TIE1: variants seen among roughly 807,000 people sequenced by gnomAD.
TIE1 encodes tyrosine-protein kinase receptor Tie-1.
In TIE1, 89 loss-of-function variants were observed where a neutral mutation model predicts 130.5. The observed-to-expected ratio is 0.68, with a 90% CI of 0.57 to 0.81. The LOEUF is 0.81. TIE1 is among the 40% of genes least tolerant of loss of function. The pLI is 0.00. For synonymous variants in TIE1, 568 were observed against 629.4 expected (o/e 0.90, Z 1.46); for missense variants, 1,392 against 1,559.8 (o/e 0.89, Z 1.81).
At chr1:43,303,909 T>C (rs1482082392) in intron 1 of TIE1, among the ~76,000 whole-genome samples, 1 of 152,160 alleles carries the variant, frequency 6.6e-6, no homozygotes, top group East Asian at 1.9e-4. Context: ...CCCTTCTCTG[T>C]GCTCAAAAGC....
At chr1:43,301,229 T>G (rs1424614057) in intron 1 of TIE1, 100 bp downstream of exon 1, 1 of 1,331,194 alleles carries the variant, frequency 7.5e-7, no homozygotes, top group East Asian at 2.4e-5. Flanking sequence ...AGTAGGATGA[T>G]GGTTGCCATG....
At position 43,321,458 on chromosome 1, in the gene TIE1, C is replaced by G. The variant is rs1352005837; in HGVS notation, c.3211C>G (p.Arg1071Gly). Residue 1071 changes from arginine to glycine, a missense_variant, in exon 21 of 23, where the codon CGC becomes GGC. Arg to Gly is a moderately radical substitution (Grantham distance 125). Around this residue, in one of 6 missense-constraint regions of TIE1, gnomAD observed 104 missense variants for 129.3 expected, o/e 0.80. Transcript: ENST00000372476. Reference protein sequence around the residue: ...ELYEKLPQGYRMEQPRNCDDE... With the variant: ...ELYEKLPQGYGMEQPRNCDDE... ...CTATGAAAAGCTGCCCCAGGGCTACCGCATGGAGCAGCCTCGAAACTGTGA... is the reference window on the plus strand; with the variant it reads ...CTATGAAAAGCTGCCCCAGGGCTACGGCATGGAGCAGCCTCGAAACTGTGA... 6.2e-7 allele frequency: 1 copy of G among 1,613,928 alleles called. No homozygotes were observed. Among genetic ancestry groups the G allele is most frequent in the South Asian group, 1.1e-5 (1 of 91,074 alleles).
Position 43,311,840 on chromosome 1 carries a change from A to T in TIE1, c.1492+11A>T. Reference sequence around the variant, plus strand: ...GGTCGACCATTGTGGGTGAGTAGGGAGAGAGCTGGGGCAGGACAGAGGTGT... The same window carrying T: ...GGTCGACCATTGTGGGTGAGTAGGGTGAGAGCTGGGGCAGGACAGAGGTGT... On this transcript the variant is annotated intron_variant, in intron 10 of 22. Transcript: ENST00000372476. The T allele has an allele frequency of 6.2e-7, 1 of 1,611,772 alleles. No individual in the cohort carries two copies.
rs757661283 is a variant in TIE1, at chr1:43,322,618, C to T, written c.3346-33C>T. The T allele has an allele frequency of 1.3e-5, 21 of 1,598,554 alleles. No individual in the cohort carries two copies. Among genetic ancestry groups the T allele is most frequent in the Non-Finnish European group, 1.5e-5 (18 of 1,166,426 alleles). On this transcript the variant is annotated intron_variant, in intron 22 of 22. Coordinates refer to ENST00000372476, the MANE Select transcript of TIE1 (RefSeq NM_005424.5). This position sits in a 1 kb window ranked among gnomAD's most constrained non-coding sequence, Gnocchi z 4.0. ...GCTTGAGGCCAGATGCACCCCCATT[C>T]CTGGCCCCCACTAAAGCTTGCTCTG...
In TIE1 at chr1:43,318,508, CT is replaced by C. The variant is rs796101725; in HGVS notation, c.2922+449del. ...GTGAGTCTGAGGGAAGGCATTTTAT[CT>C]TTTTTTTTTTTTGAGACTGAGTCTC... On this transcript the variant is annotated intron_variant, in intron 17 of 22. Coordinates refer to ENST00000372476, the MANE Select transcript of TIE1 (RefSeq NM_005424.5). This position sits in a 1 kb window ranked among gnomAD's most constrained non-coding sequence, Gnocchi z 4.4. Among the ~76,000 whole-genome samples, 1,300 of 145,136 alleles carry C rather than the reference CT, an allele frequency of 9.0e-3. 7 individuals carry two copies. Among genetic ancestry groups the C allele is most frequent in the African/African-American group, 0.026 (1,054 of 39,920 alleles).
rs980893913 is a variant in TIE1, at chr1:43,304,966, C to T, written c.174C>T (p.Gly58=). ...AGAGRGSDAW[G]PPLLLEKDDR... The stretch of plus-strand genomic sequence containing the variant: ...CGGGGAGGGGCTCGGACGCCTGGGG[C>T]CCGCCCCTGCTGCTGGAGAAGGACG... The change falls in exon 2 of 23, where the codon GGC becomes GGT. Residue 58 remains glycine, a synonymous_variant. Transcript: ENST00000372476. 4 of 1,464,114 alleles carry T rather than the reference C, an allele frequency of 2.7e-6. No individual in the cohort carries two copies. In the African/African-American group the frequency reaches 4.3e-5, roughly 16 times the overall value. 90.7% of individuals were successfully genotyped at this position (1,464,114 alleles called of 1,614,324 possible).
rs747005214 is a variant in TIE1, at chr1:43,319,224, C to T, written c.2923-11C>T. 6.2e-7 allele frequency: 1 copy of T among 1,609,236 alleles called. No homozygotes were observed. Among genetic ancestry groups the T allele is most frequent in the African/African-American group, 1.3e-5 (1 of 74,942 alleles). On this transcript the variant is annotated splice_polypyrimidine_tract_variant and intron_variant, in intron 17 of 22. Coordinates refer to ENST00000372476, the MANE Select transcript of TIE1 (RefSeq NM_005424.5). This position sits in a 1 kb window ranked among gnomAD's most constrained non-coding sequence, Gnocchi z 4.7. ...TCCCCAGTCTCTCCTGACTTCTGAC[C>T]CTGCCTACAGTTCATCCACAGGGAC...
chr1:43,321,877 T>C (rs1646924327), intron 22 of TIE1, among the ~76,000 whole-genome samples, 162 bp downstream of exon 22: 1 of 152,170 alleles, frequency 6.6e-6, no homozygotes, highest in African/African-American at 2.4e-5. Flanking sequence ...CAGCCTGCCT[T>C]TCCAGCCCTC....
chr1:43,317,059 G>A lies in TIE1; in HGVS notation c.2410-140G>A, dbSNP rs2153912583. ...TCCTCTGTCTGCCTGTCTGTCCCTGGCTGACCACCAGGGTGCCCTCCATCT... is the reference window on the plus strand; with the variant it reads ...TCCTCTGTCTGCCTGTCTGTCCCTGACTGACCACCAGGGTGCCCTCCATCT... On this transcript the variant is annotated intron_variant, in intron 14 of 22. Coordinates refer to ENST00000372476, the MANE Select transcript of TIE1 (RefSeq NM_005424.5). The surrounding 1 kb of genome is among the most constrained non-coding windows in gnomAD (Gnocchi z 5.1). 2 of 808,576 alleles carry A rather than the reference G, an allele frequency of 2.5e-6. No homozygotes were observed. The highest frequency in any genetic ancestry group is 1.4e-5 in the South Asian group (1 of 70,718). 50.1% of individuals were successfully genotyped at this position (808,576 alleles called of 1,614,324 possible).
At chr1:43,303,695 C>T (rs1646693435) in intron 1 of TIE1, among the ~76,000 whole-genome samples, 1 of 152,128 alleles carries the variant, frequency 6.6e-6, no homozygotes, top group Non-Finnish European at 1.5e-5. Context: ...TCCAGTCACA[C>T]AAACCTGGAG....
At chr1:43,321,533 T>C (rs529660499) in intron 21 of TIE1, 41 bp downstream of exon 21, 1 of 1,579,042 alleles carries the variant, frequency 6.3e-7, no homozygotes, top group East Asian at 2.3e-5. Context: ...CCTATCTCTG[T>C]GATGAGTGAC....
Position 43,317,863 on chromosome 1 carries a change from C to T in TIE1, c.2732-19C>T, listed in dbSNP as rs752249973. The T allele has an allele frequency of 6.2e-7, 1 of 1,613,024 alleles. No individual in the cohort carries two copies. The highest frequency in any genetic ancestry group is 1.1e-5 in the South Asian group (1 of 90,918). On this transcript the variant is annotated intron_variant, in intron 16 of 22. Coordinates refer to ENST00000372476, the MANE Select transcript of TIE1 (RefSeq NM_005424.5). This position sits in a 1 kb window ranked among gnomAD's most constrained non-coding sequence, Gnocchi z 5.1. Reference sequence around the variant, plus strand: ...TTGCCTGTGTCTAAATCACCACTGTCTGTCTCTTTGCCTCTCAGGTTACTT... The same window carrying T: ...TTGCCTGTGTCTAAATCACCACTGTTTGTCTCTTTGCCTCTCAGGTTACTT...
At chr1:43,314,169 C>A in intron 14 of TIE1, 1 of 757,572 alleles carries the variant, frequency 1.3e-6, no homozygotes, top group South Asian at 1.7e-5. Flanking sequence ...AGCTCATGAG[C>A]CCATTTATAT....
Position 43,305,074 on chromosome 1 carries a change from C to T in TIE1, c.282C>T (p.Ser94=). The change falls in exon 2 of 23, where the codon TCC becomes TCT. Residue 94 remains serine (S), a synonymous_variant. Coordinates refer to ENST00000372476, the MANE Select transcript of TIE1 (RefSeq NM_005424.5). ...ACCAGGTCACGCTTCGCGGCTTCTC[C>T]AAGCCCTCGGACCTCGTGGGCGTCT... ...GSHQVTLRGF[S]KPSDLVGVFS... is the part of the protein sequence containing the mutation. 5 of 1,611,442 alleles carry T rather than the reference C, an allele frequency of 3.1e-6. No individual in the cohort carries two copies. The highest frequency in any genetic ancestry group is 4.2e-6 in the Non-Finnish European group (5 of 1,178,538).
rs1646925644 is a variant in TIE1 at position 43,322,027 on chromosome 1, C to T, written c.3345+312C>T. 6.6e-6 allele frequency among the ~76,000 whole-genome samples: 1 copy of T among 152,160 alleles called. No homozygotes were observed. The highest frequency in any genetic ancestry group is 1.5e-5 in the Non-Finnish European group (1 of 68,026). On this transcript the variant is annotated intron_variant, in intron 22 of 22. Transcript: ENST00000372476. The surrounding 1 kb of genome is among the most constrained non-coding windows in gnomAD (Gnocchi z 4.0). ...GCCATCAGCCTGTCCTCATCTGGGA[C>T]ACCTCTCCCCACCTGCCAGAGCCAG... is the stretch of plus-strand genomic sequence containing the variant.
chr1:43,312,989 A>G lies in TIE1; in HGVS notation c.1928-146A>G. 1 of 912,108 alleles carries G rather than the reference A, an allele frequency of 1.1e-6. No individual in the cohort carries two copies. Among genetic ancestry groups the G allele is most frequent in the Admixed American group, 2.5e-5 (1 of 39,478 alleles). 56.5% of individuals were successfully genotyped at this position (912,108 alleles called of 1,614,324 possible). A position where few individuals can be genotyped will look rare whatever the true frequency, so the allele number is the denominator to read the frequency against. Reference sequence around the variant, plus strand: ...GGCCTGGGGGAATGGAGAGGAATTCAGTCTGGTGGGGAGGAGGAAGTTGGC... The same window carrying G: ...GGCCTGGGGGAATGGAGAGGAATTCGGTCTGGTGGGGAGGAGGAAGTTGGC... On this transcript the variant is annotated intron_variant, in intron 12 of 22. Coordinates refer to ENST00000372476, the MANE Select transcript of TIE1 (RefSeq NM_005424.5). The surrounding 1 kb of genome is among the most constrained non-coding windows in gnomAD (Gnocchi z 5.6).
At chr1:43,303,434 G>T (rs191831377) in intron 1 of TIE1, among the ~76,000 whole-genome samples, 2 of 152,226 alleles carry the variant, frequency 1.3e-5, no homozygotes, top group East Asian at 3.8e-4. Flanking sequence ...GAAAATGGGG[G>T]TTGGTATGTG....
intron 14 of TIE1, 143 bp downstream of exon 14, chr1:43,314,111 T>C: frequency 1.0e-6 from 1 of 958,730 alleles, no homozygotes; most frequent in Non-Finnish European, 1.6e-6. Flanking sequence ...CTCAACAATG[T>C]TCAAGGGTAC....
chr1:43,307,737 T>C lies in TIE1; in HGVS notation c.914-59T>C. On this transcript the variant is annotated intron_variant, in intron 6 of 22. Coordinates refer to ENST00000372476, the MANE Select transcript of TIE1 (RefSeq NM_005424.5). This position sits in a 1 kb window ranked among gnomAD's most constrained non-coding sequence, Gnocchi z 5.4. ...AACCTGTGCCCCATCTGCGCCCTCA[T>C]CTGTGCCCTCATTGCCCCCTGTCCC... 1 of 1,609,382 alleles carries C rather than the reference T, an allele frequency of 6.2e-7. No homozygotes were observed. The highest frequency in any genetic ancestry group is 8.5e-7 in the Non-Finnish European group (1 of 1,176,740).
Sources: allele counts gnomAD v4.1 joint callset (sites outside exome capture counted in the v4.1 genomes callset), GRCh38; gene constraint gnomAD v4.1.1; regional missense constraint gnomAD v4.1.1; non-coding constraint Gnocchi (gnomAD v3.1); transcripts MANE v1.5; gene names NCBI Gene and HGNC (gene_info 2026-07-23, HGNC 2026-07-21).